The following ACSBG1 variants were observed in gnomAD, a reference collection of about 807,000 sequenced individuals.
ACSBG1 encodes long-chain-fatty-acid--CoA ligase ACSBG1.
In ACSBG1, 39 loss-of-function variants were observed where a neutral mutation model predicts 80.2. That is an observed-to-expected ratio of 0.49 (90% CI 0.38 to 0.64). The LOEUF is 0.64. Among genes scored for constraint, ACSBG1 ranks in the 30% least tolerant of loss-of-function variants. The pLI is 0.00. For synonymous variants in ACSBG1, 392 were observed against 379.5 expected, an observed-to-expected ratio of 1.03 and a Z score of -0.38; for missense variants, 828 against 966.4, an observed-to-expected ratio of 0.86 and a Z score of 1.90.
intron 5 of ACSBG1, among the ~76,000 whole-genome samples, chr15:78,185,809 G>T (rs28535318): frequency 0.1 from 15,662 of 151,836 alleles, 1,000 homozygotes; most frequent in South Asian, 0.21. Context: ...TATCGTAGAC[G>T]TCTTGTTAGA....
chr15:78,228,917 C>T (rs1177099274), intron 1 of ACSBG1, among the ~76,000 whole-genome samples: 1 of 152,198 alleles, frequency 6.6e-6, no homozygotes, highest in Non-Finnish European at 1.5e-5. Context: ...GAGCCTGCAC[C>T]AACCCTCAAG....
chr15:78,225,706 A>G (rs922168052), intron 1 of ACSBG1, among the ~76,000 whole-genome samples: 1 of 152,168 alleles, frequency 6.6e-6, no homozygotes, highest in African/African-American at 2.4e-5. Context: ...CATTTTACAT[A>G]GAAGTACAAA....
At chr15:78,206,854 A>G (rs2075220300) in intron 2 of ACSBG1, among the ~76,000 whole-genome samples, 1 of 152,210 alleles carries the variant, frequency 6.6e-6, no homozygotes, top group Non-Finnish European at 1.5e-5. Flanking sequence ...CTGGGGCTCC[A>G]AGGGACACGG....
chr15:78,187,871 G>A (rs1349792098), intron 5 of ACSBG1, among the ~76,000 whole-genome samples: 1 of 152,206 alleles, frequency 6.6e-6, no homozygotes, highest in Non-Finnish European at 1.5e-5. Context: ...ATTAGGGAAA[G>A]AGGAAGTCAA....
chr15:78,184,167 T>C (rs2141334266), intron 5 of ACSBG1, among the ~76,000 whole-genome samples: 1 of 152,234 alleles, frequency 6.6e-6, no homozygotes, highest in African/African-American at 2.4e-5. Flanking sequence ...ATAGTCTTAT[T>C]GGTTTCTGGG....
chr15:78,206,754 G>C (rs539535180), intron 2 of ACSBG1, among the ~76,000 whole-genome samples: 1 of 152,208 alleles, frequency 6.6e-6, no homozygotes, highest in South Asian at 2.1e-4. Context: ...ACTGCTGCAC[G>C]GCTGCCAGAC....
chr15:78,196,284 T>C (rs78797563), intron 2 of ACSBG1, among the ~76,000 whole-genome samples: 183 of 152,336 alleles, frequency 1.2e-3, no homozygotes, highest in Admixed American at 3.5e-3. Flanking sequence ...CCCGGGATGC[T>C]AGCCTGGTGG....
chr15:78,215,778 G>GAA (rs1235597417), intron 1 of ACSBG1, among the ~76,000 whole-genome samples: 1 of 149,416 alleles, frequency 6.7e-6, no homozygotes. Flanking sequence ...AAGAAAGAAA[G>GAA]AAAGAAAGAG....
chr15:78,197,597 T>C (rs1038198110), intron 2 of ACSBG1, among the ~76,000 whole-genome samples: 7 of 151,730 alleles, frequency 4.6e-5, no homozygotes, highest in Non-Finnish European at 1.0e-4. Context: ...TGCACATCTG[T>C]AATCCCAACT....
intron 1 of ACSBG1, among the ~76,000 whole-genome samples, chr15:78,210,365 A>G (rs2075256801): frequency 6.6e-6 from 1 of 152,218 alleles, no homozygotes; most frequent in Non-Finnish European, 1.5e-5. Flanking sequence ...ATTAAGCCTG[A>G]TCTTTTCCTC....
At chr15:78,185,728 G>T (rs2074996635) in intron 5 of ACSBG1, among the ~76,000 whole-genome samples, 1 of 151,130 alleles carries the variant, frequency 6.6e-6, no homozygotes, top group African/African-American at 2.4e-5. Context: ...CTGAAAATCA[G>T]CAAAAAAGGA....
chr15:78,221,154 A>G (rs2141383545), intron 1 of ACSBG1, among the ~76,000 whole-genome samples: 1 of 152,276 alleles, frequency 6.6e-6, no homozygotes, highest in South Asian at 2.1e-4. Context: ...TAGAGAAAGA[A>G]CAGTGGGCCC....
At chr15:78,219,138 A>G (rs1049746772) in intron 1 of ACSBG1, among the ~76,000 whole-genome samples, 2 of 152,116 alleles carry the variant, frequency 1.3e-5, no homozygotes, top group Non-Finnish European at 1.5e-5. Flanking sequence ...TACTATATGC[A>G]CTGCCTGAAT....
At chr15:78,223,145 T>C (rs1035046097) in intron 1 of ACSBG1, among the ~76,000 whole-genome samples, 12 of 152,122 alleles carry the variant, frequency 7.9e-5, no homozygotes, top group Non-Finnish European at 1.5e-5. Context: ...GGCACATGCT[T>C]TTTGGATCCC....
At chr15:78,212,139 G>A (rs1175598751) in intron 1 of ACSBG1, among the ~76,000 whole-genome samples, 1 of 152,178 alleles carries the variant, frequency 6.6e-6, no homozygotes, top group Non-Finnish European at 1.5e-5. Context: ...GGCCACTGTT[G>A]TGTATGAAGT....
intron 5 of ACSBG1, among the ~76,000 whole-genome samples, chr15:78,184,655 C>T (rs1450920258): frequency 6.6e-6 from 1 of 152,176 alleles, no homozygotes; most frequent in South Asian, 2.1e-4. Flanking sequence ...ATAGAAATAA[C>T]AGAAATATCA....
chr15:78,186,052 G>C (rs62009347), intron 5 of ACSBG1, among the ~76,000 whole-genome samples: 7,371 of 152,216 alleles, frequency 0.048, 205 homozygotes, highest in South Asian at 0.17. Context: ...CTCAGGACTT[G>C]CTTTATGAAT....
At chr15:78,196,351 G>A (rs538989615) in intron 2 of ACSBG1, among the ~76,000 whole-genome samples, 1 of 152,326 alleles carries the variant, frequency 6.6e-6, no homozygotes, top group South Asian at 2.1e-4. Context: ...TAAAGTCCAT[G>A]CCCAGACCAG....
At position 78,182,587 on chromosome 15, in the gene ACSBG1, T is replaced by C; in HGVS notation, c.773A>G (p.Glu258Gly). 1.2e-6 allele frequency: 2 copies of C among 1,614,096 alleles called. No individual in the cohort carries two copies. The highest frequency in any genetic ancestry group is 1.7e-6 in the Non-Finnish European group (2 of 1,179,976). The change falls in exon 7 of 14, where the codon GAA (glutamate) becomes GGA (glycine). Residue 258 changes from glutamate (E) to glycine (G), a missense_variant. Around this residue, in one of 3 missense-constraint regions of ACSBG1, gnomAD observed 356 missense variants for 363.5 expected, o/e 0.98. Transcript: ENST00000258873. ...TMEEFMELGN[E>G]VPEEALDAII... is the part of the protein sequence containing the mutation. ...GGCGTCCAGGGCTTCCTCAGGCACTTCATTCCCCAGCTCCATGAATTCCTC... is the reference window on the plus strand; with the variant it reads ...GGCGTCCAGGGCTTCCTCAGGCACTCCATTCCCCAGCTCCATGAATTCCTC...
Sources: allele counts gnomAD v4.1 joint callset (sites outside exome capture counted in the v4.1 genomes callset), GRCh38; gene constraint gnomAD v4.1.1; regional missense constraint gnomAD v4.1.1; transcripts MANE v1.5; gene names NCBI Gene and HGNC (gene_info 2026-07-23, HGNC 2026-07-21).